The following ANKRD6 variants were observed in gnomAD, a reference collection of about 807,000 sequenced individuals.
The protein encoded by ANKRD6 is ankyrin repeat domain-containing protein 6.
ANKRD6 carries 56 observed loss-of-function variants against 82.3 expected under a neutral mutation model. The ratio of observed to expected loss-of-function variants is 0.68; its 90% CI spans 0.55 to 0.85. The LOEUF (loss-of-function observed/expected upper bound fraction) is 0.85, where lower values mean the gene tolerates loss of function less well. Among genes scored for constraint, ANKRD6 ranks in the 40% least tolerant of loss-of-function variants. ANKRD6 has a pLI of 0.00. For missense variants in ANKRD6, 852 were observed against 907.6 expected (o/e 0.94, Z 0.79); for synonymous variants, 347 against 352.1 (o/e 0.99, Z 0.16).
At chr6:89,436,537 CATT>C (rs576905436) in intron 1 of ANKRD6, among the ~76,000 whole-genome samples, 26 of 152,178 alleles carry the variant, frequency 1.7e-4, no homozygotes, top group Non-Finnish European at 3.5e-4. Context: ...ACTTTGAAAA[CATT>C]ATGCTAGGTG....
At chr6:89,528,973 G>C (rs1182144357) in intron 1 of ANKRD6, among the ~76,000 whole-genome samples, 1 of 152,200 alleles carries the variant, frequency 6.6e-6, no homozygotes, top group Admixed American at 6.6e-5. Context: ...GGCCTTTGTT[G>C]TTCCATTTAT....
At chr6:89,469,946 G>T (rs1337214326) in intron 1 of ANKRD6, among the ~76,000 whole-genome samples, 1 of 152,026 alleles carries the variant, frequency 6.6e-6, no homozygotes, top group Non-Finnish European at 1.5e-5. Context: ...TCCTTCTACA[G>T]CCATCTCTCT....
rs953832894 is a variant in ANKRD6, at chr6:89,505,143, G to C, written c.-143-61691G>C. On this transcript the variant is annotated intron_variant, in intron 1 of 15. Transcript: ENST00000339746. ...ATCCTGACCATCCTGGGGCTATGCT[G>C]GTTCTCCATTTCCTTACCCGGCATC... The C allele has an allele frequency of 2.6e-5, 4 of 152,250 alleles. No individual in the cohort carries two copies. The East Asian group carries it at 7.7e-4, about 29-fold the overall frequency. The allele number at this position is 152,250 out of a possible 1,614,324, so 9.4% of individuals were successfully genotyped here. A position where few individuals can be genotyped will look rare whatever the true frequency, so the allele number is the denominator to read the frequency against.
At chr6:89,489,556 T>C (rs1344664808) in intron 1 of ANKRD6, among the ~76,000 whole-genome samples, 1 of 152,228 alleles carries the variant, frequency 6.6e-6, no homozygotes, top group African/African-American at 2.4e-5. Flanking sequence ...TTTTGCATCT[T>C]CTAAGTTTTT....
chr6:89,444,408 A>G (rs575531621), intron 1 of ANKRD6, among the ~76,000 whole-genome samples: 1 of 152,334 alleles, frequency 6.6e-6, no homozygotes, highest in Admixed American at 6.5e-5. Flanking sequence ...CCAGTACTCA[A>G]TATGATTGAA....
chr6:89,465,188 C>T (rs931698936), intron 1 of ANKRD6, among the ~76,000 whole-genome samples: 64 of 149,536 alleles, frequency 4.3e-4, no homozygotes, highest in Non-Finnish European at 8.0e-4. Flanking sequence ...GGAGCAATCT[C>T]GGCTCACAGC....
At chr6:89,449,600 A>G (rs148493691) in intron 1 of ANKRD6, among the ~76,000 whole-genome samples, 1 of 152,354 alleles carries the variant, frequency 6.6e-6, no homozygotes, top group South Asian at 2.1e-4. Context: ...GCAGCAATTC[A>G]GACAAGATGC....
chr6:89,474,097 C>T lies in ANKRD6; in HGVS notation c.-144+40722C>T, dbSNP rs947630014. Reference sequence around the variant, plus strand: ...GACGACTGTCTCACCTTTTGAAACCCTGTCTCAAAAAAACAAAACAAAACA... The same window carrying T: ...GACGACTGTCTCACCTTTTGAAACCTTGTCTCAAAAAAACAAAACAAAACA... On this transcript the variant is annotated intron_variant, in intron 1 of 15. Transcript: ENST00000339746. Among the ~76,000 whole-genome samples, 8 of 144,374 alleles carry T rather than the reference C, an allele frequency of 5.5e-5. No homozygotes were observed. The South Asian group carries it at 1.7e-3, about 31-fold the overall frequency. 94.7% of individuals were successfully genotyped at this position (144,374 alleles called of 152,430 possible).
At chr6:89,462,389 A>C (rs1188891567) in intron 1 of ANKRD6, among the ~76,000 whole-genome samples, 1 of 152,094 alleles carries the variant, frequency 6.6e-6, no homozygotes, top group Non-Finnish European at 1.5e-5. Flanking sequence ...AATAATAAAC[A>C]GTTTTTTCCA....
intron 1 of ANKRD6, among the ~76,000 whole-genome samples, chr6:89,453,749 AT>A (rs112008905): frequency 0.17 from 25,783 of 149,072 alleles, 2,960 homozygotes; most frequent in East Asian, 0.4. Context: ...TAATTTTTGT[AT>A]TTTTTATTTA....
At chr6:89,615,695 T>TCA (rs1801395406) in intron 7 of ANKRD6, among the ~76,000 whole-genome samples, 1 of 152,216 alleles carries the variant, frequency 6.6e-6, no homozygotes, top group African/African-American at 2.4e-5. Context: ...GATGGCTGAA[T>TCA]GTTCATGCTA....
intron 2 of ANKRD6, among the ~76,000 whole-genome samples, chr6:89,595,087 G>A (rs1291952783): frequency 1.3e-5 from 2 of 152,164 alleles, no homozygotes; most frequent in East Asian, 3.8e-4. Context: ...GAACCGGCCA[G>A]TCATGGTGGC....
chr6:89,435,847 G>A (rs1370213614), intron 1 of ANKRD6, among the ~76,000 whole-genome samples: 1 of 152,196 alleles, frequency 6.6e-6, no homozygotes, highest in African/African-American at 2.4e-5. Flanking sequence ...TTTAAAAATG[G>A]TTTTAACAAC....
At chr6:89,447,273 C>G (rs974285982) in intron 1 of ANKRD6, among the ~76,000 whole-genome samples, 9 of 151,970 alleles carry the variant, frequency 5.9e-5, no homozygotes, top group South Asian at 4.2e-4. Flanking sequence ...GGGAGGGGGG[C>G]CACTCCACTG....
At chr6:89,490,042 C>T (rs1777833943) in intron 1 of ANKRD6, among the ~76,000 whole-genome samples, 1 of 152,184 alleles carries the variant, frequency 6.6e-6, no homozygotes, top group Non-Finnish European at 1.5e-5. Flanking sequence ...TGTATGCTAC[C>T]CAAGAGTCAC....
At chr6:89,573,309 T>C (rs1455712511) in intron 2 of ANKRD6, among the ~76,000 whole-genome samples, 2 of 152,232 alleles carry the variant, frequency 1.3e-5, no homozygotes, top group African/African-American at 2.4e-5. Context: ...GTTACCCTAA[T>C]TTTTTCACTT....
intron 1 of ANKRD6, among the ~76,000 whole-genome samples, chr6:89,558,245 T>G (rs547080107): frequency 6.6e-6 from 1 of 152,366 alleles, no homozygotes; most frequent in East Asian, 1.9e-4. Context: ...ATGGAACTTA[T>G]GTCCACACAA....
At chr6:89,466,176 T>C (rs1562564584) in intron 1 of ANKRD6, among the ~76,000 whole-genome samples, 1 of 152,208 alleles carries the variant, frequency 6.6e-6, no homozygotes. Context: ...AAAATCATTA[T>C]ATTTAAAACA....
At chr6:89,461,906 CA>C (rs1482677750) in intron 1 of ANKRD6, among the ~76,000 whole-genome samples, 4 of 152,074 alleles carry the variant, frequency 2.6e-5, no homozygotes, top group African/African-American at 9.7e-5. Context: ...CTGTACTCCA[CA>C]AGCTCATTAG....
Sources: gnomAD v4.1 joint callset for allele counts (sites outside exome capture counted in the v4.1 genomes callset) on GRCh38, gnomAD v4.1.1 for gene constraint, MANE v1.5 for transcripts, NCBI Gene and HGNC (gene_info 2026-07-23, HGNC 2026-07-21) for gene names.